Variants in TGM5 observed in about 807,000 individuals in gnomAD.
TGM5 encodes the protein protein-glutamine gamma-glutamyltransferase 5.
A neutral mutation model predicts 77.2 loss-of-function variants in TGM5; 69 were observed. That is an observed-to-expected ratio of 0.89 (90% CI 0.74 to 1.09). The LOEUF is 1.09. Among genes scored for constraint, TGM5 ranks in the 50% least tolerant of loss-of-function variants. The pLI is 0.00. For synonymous variants in TGM5, 346 were observed against 351.8 expected, an observed-to-expected ratio of 0.98 and a Z score of 0.18; for missense variants, 842 against 896.5, an observed-to-expected ratio of 0.94 and a Z score of 0.78.
At chr15:43,245,159 C>T (rs749643932) in intron 6 of TGM5, among the ~76,000 whole-genome samples, 10 of 151,692 alleles carry the variant, frequency 6.6e-5, no homozygotes, top group Non-Finnish European at 1.2e-4. Context: ...TGGAATGTGG[C>T]CCTAATTTTA....
rs746886567 is a variant in TGM5 at position 43,233,164 on chromosome 15, C to T, written c.*27G>A. 1 of 1,613,620 alleles carries T rather than the reference C, an allele frequency of 6.2e-7. No individual in the cohort carries two copies. ...GCTCCTTTTCCTGAAGCTTGAAATT[C>T]ACACGTCTGGCGCGTTGTTCCAGAA... is the stretch of plus-strand genomic sequence containing the variant. On this transcript the variant is annotated 3_prime_UTR_variant, in exon 13 of 13. Transcript: ENST00000220420.
intron 6 of TGM5, among the ~76,000 whole-genome samples, chr15:43,243,871 A>T (rs1566831251): frequency 6.6e-6 from 1 of 152,222 alleles, no homozygotes; most frequent in Non-Finnish European, 1.5e-5. Flanking sequence ...CTGCACAAGG[A>T]TTATCTACCT....
rs2042616764 is a variant in TGM5, at chr15:43,239,275, A to G, written c.1002-9T>C. ...TCCAGACATGGAAGTTCCTGTGTCA[A>G]ACAGAGCCAAGGGAGACGTTGTACT... On this transcript the variant is annotated splice_polypyrimidine_tract_variant and intron_variant, in intron 7 of 12. Coordinates refer to ENST00000220420, the MANE Select transcript of TGM5 (RefSeq NM_201631.4). 1 of 1,614,054 alleles carries G rather than the reference A, an allele frequency of 6.2e-7. No homozygotes were observed. The highest frequency in any genetic ancestry group is 1.7e-5 in the Admixed American group (1 of 60,026).
In TGM5 at chr15:43,233,158, GA is replaced by G. The variant is rs746061790; in HGVS notation, c.*32del. 82 of 1,613,222 alleles carry G rather than the reference GA, an allele frequency of 5.1e-5. No individual in the cohort carries two copies. Among genetic ancestry groups the G allele is most frequent in the Non-Finnish European group, 6.6e-5 (78 of 1,179,770 alleles). On this transcript the variant is annotated 3_prime_UTR_variant, in exon 13 of 13. Coordinates refer to ENST00000220420, the MANE Select transcript of TGM5 (RefSeq NM_201631.4). ...GAACTTGCTCCTTTTCCTGAAGCTT[GA>G]AATTCACACGTCTGGCGCGTTGTTC...
At chr15:43,264,691 G>A (rs1321275291) in intron 1 of TGM5, among the ~76,000 whole-genome samples, 1 of 152,140 alleles carries the variant, frequency 6.6e-6, no homozygotes, top group Non-Finnish European at 1.5e-5. Context: ...ACTAGATAGT[G>A]GCGATACTCG....
At chr15:43,236,458 C>A (rs1306236949) in intron 9 of TGM5, among the ~76,000 whole-genome samples, 1 of 152,138 alleles carries the variant, frequency 6.6e-6, no homozygotes, top group Non-Finnish European at 1.5e-5. Flanking sequence ...CCTGGGGGTC[C>A]CTGTGGGCCG....
chr15:43,260,005 C>A (rs1402808389), intron 3 of TGM5, 47 bp downstream of exon 3: 2 of 1,611,296 alleles, frequency 1.2e-6, no homozygotes, highest in African/African-American at 1.3e-5. Flanking sequence ...TCTCTGGCAG[C>A]ACTGACAGAA....
intron 6 of TGM5, among the ~76,000 whole-genome samples, chr15:43,244,576 T>C (rs1161431141): frequency 6.6e-6 from 1 of 152,224 alleles, no homozygotes; most frequent in African/African-American, 2.4e-5. Context: ...CACAGAGTTA[T>C]CAAGGTATAT....
In TGM5 at chr15:43,253,496, G is replaced by C. The variant is rs966205907; in HGVS notation, c.684+10C>G. The C allele has an allele frequency of 1.3e-5, 21 of 1,610,598 alleles. No individual in the cohort carries two copies. Among genetic ancestry groups the C allele is most frequent in the Non-Finnish European group, 1.7e-5 (20 of 1,180,016 alleles). The stretch of plus-strand genomic sequence containing the variant: ...GCTTCCTCCCTCCCCGGGCACGCCA[G>C]GGACCTCACCATGGCACACACCACT... On this transcript the variant is annotated intron_variant, in intron 5 of 12. Coordinates refer to ENST00000220420, the MANE Select transcript of TGM5 (RefSeq NM_201631.4).
Position 43,239,197 on chromosome 15 carries a change from C to A in TGM5, c.1071G>T (p.Gln357His), listed in dbSNP as rs559538418. 61 of 1,614,070 alleles carry A rather than the reference C, an allele frequency of 3.8e-5. No individual in the cohort carries two copies. The highest frequency in any genetic ancestry group is 5.0e-5 in the Non-Finnish European group (59 of 1,180,042). The change falls in exon 8 of 13, where the codon CAG (glutamine) becomes CAT (histidine). Residue 357 changes from glutamine to histidine, a missense_variant. By Grantham distance (24) the Gln-to-His change is conservative. Coordinates refer to ENST00000220420, the MANE Select transcript of TGM5 (RefSeq NM_201631.4). ...TCTCCTGAGGTGTGGCGTCCAGCAC[C>A]TGCCAGCCTCCATATGCAGGGGGCA... ...KDLPPAYGGWQVLDATPQEMS... is the reference protein window; with the variant it reads ...KDLPPAYGGWHVLDATPQEMS...
chr15:43,239,360 G>T, intron 7 of TGM5, 94 bp from the exon 8 acceptor site: 1 of 1,300,964 alleles, frequency 7.7e-7, no homozygotes, highest in Non-Finnish European at 1.1e-6. Flanking sequence ...TGGATAGAAA[G>T]ACAGACTTAG....
chr15:43,245,807 G>T (rs1009129062), intron 6 of TGM5, among the ~76,000 whole-genome samples: 2 of 151,450 alleles, frequency 1.3e-5, no homozygotes, highest in African/African-American at 2.4e-5. Context: ...AAATGGCAGC[G>T]CAGAAGATGG....
chr15:43,261,853 C>G lies in TGM5; in HGVS notation c.11-1274G>C, dbSNP rs541316474. Among the ~76,000 whole-genome samples the G allele has an allele frequency of 2.0e-5, 3 of 152,302 alleles. No individual in the cohort carries two copies. In the East Asian group the frequency reaches 5.8e-4, roughly 29 times the overall value. On this transcript the variant is annotated intron_variant, in intron 1 of 12. Transcript: ENST00000220420. The stretch of plus-strand genomic sequence containing the variant: ...TCTCCCCATCTCCCATCTCTTAATG[C>G]ATTATCAGATTACCTTTCCTCAAGA...
intron 1 of TGM5, among the ~76,000 whole-genome samples, chr15:43,262,474 T>G (rs1332936262): frequency 6.6e-6 from 1 of 152,130 alleles, no homozygotes; most frequent in Non-Finnish European, 1.5e-5. Flanking sequence ...GATAAAAATA[T>G]TCAACAAACT....
At chr15:43,255,761 C>T (rs1210102813) in intron 4 of TGM5, among the ~76,000 whole-genome samples, 1 of 152,180 alleles carries the variant, frequency 6.6e-6, no homozygotes, top group South Asian at 2.1e-4. Flanking sequence ...TCTTCCTTGC[C>T]TGGCACTGGA....
At chr15:43,236,639 CAA>C (rs2042592335) in intron 9 of TGM5, among the ~76,000 whole-genome samples, 1 of 152,144 alleles carries the variant, frequency 6.6e-6, no homozygotes, top group Admixed American at 6.5e-5. Context: ...CAGTTCCAGA[CAA>C]AAGAGAATCT....
chr15:43,253,665 C>G, intron 4 of TGM5, 31 bp from the exon 5 acceptor site: 1 of 1,609,022 alleles, frequency 6.2e-7, no homozygotes, highest in Non-Finnish European at 8.5e-7. Flanking sequence ...AGGGAAGGCA[C>G]CCATGCTTGT....
intron 6 of TGM5, among the ~76,000 whole-genome samples, chr15:43,245,101 T>C (rs2042661835): frequency 6.6e-6 from 1 of 151,598 alleles, no homozygotes; most frequent in Non-Finnish European, 1.5e-5. Context: ...TAAAATAAAA[T>C]ATCTAGTATG....
At chr15:43,251,630 C>A (rs756598618) in intron 6 of TGM5, among the ~76,000 whole-genome samples, 1 of 152,174 alleles carries the variant, frequency 6.6e-6, no homozygotes, top group Non-Finnish European at 1.5e-5. Context: ...AATCAGAATG[C>A]GCAAGCCAAG....
Sources: allele counts gnomAD v4.1 joint callset (sites outside exome capture counted in the v4.1 genomes callset), GRCh38; gene constraint gnomAD v4.1.1; transcripts MANE v1.5; gene names NCBI Gene and HGNC (gene_info 2026-07-23, HGNC 2026-07-21).